AOAH: variants seen among roughly 807,000 people sequenced by gnomAD.
The protein encoded by AOAH is acyloxyacyl hydrolase (neutrophil).
Under a neutral mutation model 92.2 loss-of-function variants are expected in AOAH, and 64 were observed. The observed-to-expected ratio is 0.69, with a 90% CI of 0.57 to 0.86. AOAH has a LOEUF of 0.86. Ranked by LOEUF, AOAH falls within the 40% of genes least tolerant of loss-of-function variation. The probability of loss-of-function intolerance (pLI) is 0.00; values close to 1 mark genes in which losing one functional copy is unlikely to be tolerated. For missense variants in AOAH, 656 were observed against 694.6 expected (o/e 0.94, Z 0.62); for synonymous variants, 263 against 254.5 (o/e 1.03, Z -0.32).
chr7:36,666,153 T>G (rs1175094632), intron 3 of AOAH, among the ~76,000 whole-genome samples: 1 of 152,118 alleles, frequency 6.6e-6, no homozygotes, highest in African/African-American at 2.4e-5. Flanking sequence ...TTTGGTAGAA[T>G]CTACCAGTGA....
At chr7:36,544,175 G>C (rs1407802822) in intron 15 of AOAH, among the ~76,000 whole-genome samples, 1 of 151,948 alleles carries the variant, frequency 6.6e-6, no homozygotes, top group Non-Finnish European at 1.5e-5. Flanking sequence ...TCAATCTCTT[G>C]ACCTCGTGAT....
At chr7:36,675,884 C>A (rs1796224985) in intron 2 of AOAH, among the ~76,000 whole-genome samples, 3 of 152,064 alleles carry the variant, frequency 2.0e-5, no homozygotes, top group South Asian at 2.1e-4. Context: ...ATAAAAAAAA[C>A]CATATGATTA....
chr7:36,553,065 C>T (rs1385358881), intron 13 of AOAH, among the ~76,000 whole-genome samples: 2 of 151,348 alleles, frequency 1.3e-5, no homozygotes, highest in Admixed American at 1.3e-4. Context: ...GTGCGCTGCA[C>T]CCACTAACTC....
rs1784008031 is a variant in AOAH, at chr7:36,519,628, G to C, written c.1599+2411C>G. On this transcript the variant is annotated intron_variant, in intron 20 of 20. Transcript: ENST00000617537. ...TATTTTTAGTAGAGACGGGGTTTCT[G>C]CATGTTGGTCAGGCTGGTCTAGAAC... Among the ~76,000 whole-genome samples the C allele has an allele frequency of 2.0e-5, 3 of 152,256 alleles. No individual in the cohort carries two copies. In the East Asian group the frequency reaches 5.8e-4, roughly 29 times the overall value.
chr7:36,562,803 C>T (rs1787374855), intron 13 of AOAH, among the ~76,000 whole-genome samples: 1 of 152,082 alleles, frequency 6.6e-6, no homozygotes, highest in Non-Finnish European at 1.5e-5. Context: ...CTCTGCTGTG[C>T]TCTTCCTAAA....
intron 15 of AOAH, among the ~76,000 whole-genome samples, chr7:36,543,000 G>A (rs1583775547): frequency 6.6e-6 from 1 of 151,542 alleles, no homozygotes; most frequent in Admixed American, 6.6e-5. Flanking sequence ...TGCCATGGGG[G>A]TAGCCAGTAG....
chr7:36,688,798 T>TACAC (rs370599461), intron 1 of AOAH, among the ~76,000 whole-genome samples: 1 of 151,312 alleles, frequency 6.6e-6, no homozygotes, highest in African/African-American at 2.4e-5. Context: ...TATATATATA[T>TACAC]ACACACACAC....
intron 4 of AOAH, among the ~76,000 whole-genome samples, chr7:36,640,823 G>T (rs550191703): frequency 6.6e-6 from 1 of 152,100 alleles, no homozygotes; most frequent in Non-Finnish European, 1.5e-5. Context: ...ATCACCCAAG[G>T]CTAGAGAAGG....
intron 20 of AOAH, among the ~76,000 whole-genome samples, chr7:36,517,940 CACACCCACACACA>C (rs370636972): frequency 0.26 from 16,897 of 64,868 alleles, 1,504 homozygotes; most frequent in African/African-American, 0.44. Flanking sequence ...CCCACACACA[CACACCCACACACA>C]CACACACACA....
At chr7:36,603,165 A>C (rs1790727869) in intron 11 of AOAH, among the ~76,000 whole-genome samples, 1 of 152,150 alleles carries the variant, frequency 6.6e-6, no homozygotes. Flanking sequence ...ACCTGACTGC[A>C]ATGACTGGCC....
chr7:36,703,835 T>C (rs1798199281), intron 1 of AOAH, among the ~76,000 whole-genome samples: 1 of 152,184 alleles, frequency 6.6e-6, no homozygotes, highest in Admixed American at 6.6e-5. Flanking sequence ...ACTAATGGGA[T>C]TGCTGGGTTG....
At chr7:36,533,738 GA>G (rs1339029069) in intron 16 of AOAH, among the ~76,000 whole-genome samples, 5 of 151,932 alleles carry the variant, frequency 3.3e-5, no homozygotes, top group African/African-American at 1.2e-4. Flanking sequence ...CTCCCTTTCT[GA>G]ATGTGTCTCA....
At chr7:36,530,566 A>G in intron 18 of AOAH, 52 bp from the exon 19 acceptor site, 1 of 1,233,260 alleles carries the variant, frequency 8.1e-7, no homozygotes, top group Non-Finnish European at 1.2e-6. Context: ...CTTTGGCTTT[A>G]GTGAGACAAT....
intron 18 of AOAH, among the ~76,000 whole-genome samples, chr7:36,531,248 T>G (rs1367574715): frequency 6.6e-6 from 1 of 152,208 alleles, no homozygotes; most frequent in East Asian, 1.9e-4. Context: ...TTTTGCGTGA[T>G]ATTTGTTATT....
intron 1 of AOAH, among the ~76,000 whole-genome samples, chr7:36,718,826 T>TG (rs974197982): frequency 2.1e-4 from 32 of 152,146 alleles, no homozygotes; most frequent in African/African-American, 7.7e-4. Context: ...ATTGGATTTT[T>TG]GGGGGGAGCA....
At chr7:36,630,933 C>T (rs1793029281) in intron 6 of AOAH, among the ~76,000 whole-genome samples, 1 of 152,156 alleles carries the variant, frequency 6.6e-6, no homozygotes, top group South Asian at 2.1e-4. Context: ...AATAATAACC[C>T]TTACCTCATT....
chr7:36,569,029 T>C (rs1183614330), intron 13 of AOAH, among the ~76,000 whole-genome samples: 1 of 152,102 alleles, frequency 6.6e-6, no homozygotes. Context: ...CATGAAGTGT[T>C]AAAATTCTCA....
intron 1 of AOAH, among the ~76,000 whole-genome samples, chr7:36,703,251 C>G (rs1446209165): frequency 2.6e-5 from 4 of 152,104 alleles, no homozygotes; most frequent in Non-Finnish European, 5.9e-5. Context: ...CCTCTTAATG[C>G]TGATATTTTG....
intron 1 of AOAH, among the ~76,000 whole-genome samples, chr7:36,704,247 T>G (rs1798244335): frequency 6.6e-6 from 1 of 152,228 alleles, no homozygotes; most frequent in African/African-American, 2.4e-5. Context: ...AGATTCTGGA[T>G]GTTAGCCTTT....
Sources: allele counts gnomAD v4.1 joint callset (sites outside exome capture counted in the v4.1 genomes callset), GRCh38; gene constraint gnomAD v4.1.1; transcripts MANE v1.5; gene names NCBI Gene and HGNC (gene_info 2026-07-23, HGNC 2026-07-21).